Variants in LIPK observed in about 807,000 individuals in gnomAD.
LIPK encodes the protein lipase member K.
Under a neutral mutation model 48.6 loss-of-function variants are expected in LIPK, and 32 were observed. The observed-to-expected ratio is 0.66, with a 90% CI of 0.50 to 0.88. LIPK has a LOEUF of 0.88. Ranked by LOEUF, LIPK falls within the 40% of genes least tolerant of loss-of-function variation. The pLI is 0.00. For synonymous variants in LIPK, 164 were observed against 157.4 expected (o/e 1.04, Z -0.32); for missense variants, 507 against 478.5 (o/e 1.06, Z -0.56).
chr10:88,747,128 T>C (rs1839826758), intron 9 of LIPK, among the ~76,000 whole-genome samples: 3 of 152,048 alleles, frequency 2.0e-5, no homozygotes, highest in Non-Finnish European at 2.9e-5. Flanking sequence ...ACTAAAACAC[T>C]ACCAACCAGA....
intron 6 of LIPK, among the ~76,000 whole-genome samples, chr10:88,735,167 T>A (rs1353281357): frequency 6.6e-6 from 1 of 152,214 alleles, no homozygotes; most frequent in African/African-American, 2.4e-5. Context: ...TTAACCATGC[T>A]AAGCCTCAAT....
chr10:88,738,635 G>A (rs1842621449), intron 7 of LIPK, among the ~76,000 whole-genome samples: 1 of 152,178 alleles, frequency 6.6e-6, no homozygotes, highest in Non-Finnish European at 1.5e-5. Context: ...TATCATGCAG[G>A]CAGAGCTGAG....
intron 9 of LIPK, among the ~76,000 whole-genome samples, chr10:88,745,815 C>T (rs1419253341): frequency 2.6e-5 from 4 of 152,164 alleles, no homozygotes; most frequent in Non-Finnish European, 4.4e-5. Flanking sequence ...AAATGCCTCA[C>T]TTAAAATGCA....
intron 1 of LIPK, among the ~76,000 whole-genome samples, chr10:88,712,012 C>T (rs1350272472): frequency 5.9e-5 from 9 of 152,000 alleles, no homozygotes; most frequent in Admixed American, 5.9e-4. Flanking sequence ...TCCAATTGTT[C>T]CTGCAGGAAT....
intron 3 of LIPK, among the ~76,000 whole-genome samples, chr10:88,730,120 G>A (rs1842434310): frequency 6.6e-6 from 1 of 151,972 alleles, no homozygotes; most frequent in Admixed American, 6.6e-5. Context: ...TTAGCATAGT[G>A]CTTGACATTC....
At chr10:88,750,882 C>G (rs1038309259) in intron 9 of LIPK, among the ~76,000 whole-genome samples, 1 of 152,102 alleles carries the variant, frequency 6.6e-6, no homozygotes, top group African/African-American at 2.4e-5. Context: ...CTCCACTACA[C>G]TTATTCCTTC....
In LIPK at chr10:88,726,836, T is replaced by A. The variant is rs763631655; in HGVS notation, c.147T>A (p.Tyr49Ter). 6.2e-7 allele frequency: 1 copy of A among 1,607,420 alleles called. No homozygotes were observed. Residue 49 changes from tyrosine (Y) to a stop codon, truncating the protein, a stop_gained, in exon 3 of 10, where the codon TAT becomes TAA. Transcript: ENST00000404190. LOFTEE classifies it high-confidence loss of function. The stretch of plus-strand genomic sequence containing the variant: ...ACTGGGGTTATCCTTATGAAGAGTA[T>A]GATGTTACAACAAAAGATGGTTATA... ...ISYWGYPYEE[Y>*]DVTTKDGYIL... is the part of the protein sequence containing the mutation.
intron 9 of LIPK, among the ~76,000 whole-genome samples, chr10:88,751,153 G>A (rs1229879370): frequency 6.6e-6 from 1 of 152,056 alleles, no homozygotes; most frequent in South Asian, 2.1e-4. Context: ...TACTATTTTC[G>A]ATCTGGTGTG....
chr10:88,740,483 C>A (rs985583242), intron 8 of LIPK, among the ~76,000 whole-genome samples: 1 of 152,156 alleles, frequency 6.6e-6, no homozygotes, highest in African/African-American at 2.4e-5. Flanking sequence ...AGATTGAATG[C>A]TAGGGAAGAA....
intron 1 of LIPK, among the ~76,000 whole-genome samples, chr10:88,712,279 T>C (rs1047716292): frequency 2.0e-5 from 3 of 152,200 alleles, no homozygotes; most frequent in Non-Finnish European, 2.9e-5. Context: ...TGAAATCATA[T>C]TTTACCACTT....
At chr10:88,739,170 C>A (rs202118125) in intron 7 of LIPK, among the ~76,000 whole-genome samples, 14 of 151,834 alleles carry the variant, frequency 9.2e-5, no homozygotes, top group African/African-American at 3.4e-4. Flanking sequence ...CTAAATATAC[C>A]GACTGAATTA....
intron 1 of LIPK, among the ~76,000 whole-genome samples, chr10:88,717,103 C>T (rs888229183): frequency 2.6e-5 from 4 of 152,084 alleles, no homozygotes; most frequent in African/African-American, 9.7e-5. Context: ...AGGAGAGATC[C>T]CACATGTTTG....
At position 88,743,340 on chromosome 10, in the gene LIPK, T is replaced by A; in HGVS notation, c.960+19T>A. The A allele has an allele frequency of 6.5e-7, 1 of 1,547,894 alleles. No individual in the cohort carries two copies. Among genetic ancestry groups the A allele is most frequent in the Non-Finnish European group, 8.8e-7 (1 of 1,134,680 alleles). On this transcript the variant is annotated intron_variant, in intron 9 of 9. Coordinates refer to ENST00000404190, the MANE Select transcript of LIPK (RefSeq NM_001080518.2). ...CCATCAGGTACAAAAATAATCCTCA[T>A]AATCAGTTCCATGCTGCAAATGAAC...
chr10:88,742,216 G>T (rs949067075), intron 8 of LIPK, among the ~76,000 whole-genome samples: 1 of 152,196 alleles, frequency 6.6e-6, no homozygotes, highest in South Asian at 2.1e-4. Flanking sequence ...GTTACAATTA[G>T]AGATGAGATT....
At position 88,732,200 on chromosome 10, in the gene LIPK, G is replaced by C; in HGVS notation, c.445G>C (p.Asp149His). ...AFSLDEMAKY[D>H]LPATINFIIE... The stretch of plus-strand genomic sequence containing the variant: ...TAGTTTGGATGAGATGGCTAAATAT[G>C]ACCTTCCAGCCACAATCAATTTTAT... The change falls in exon 5 of 10, where the codon GAC becomes CAC. Residue 149 changes from aspartate to histidine, a missense_variant. Coordinates refer to ENST00000404190, the MANE Select transcript of LIPK (RefSeq NM_001080518.2). 6.2e-7 allele frequency: 1 copy of C among 1,600,804 alleles called. No individual in the cohort carries two copies. Among genetic ancestry groups the C allele is most frequent in the East Asian group, 2.3e-5 (1 of 44,324 alleles).
intron 1 of LIPK, among the ~76,000 whole-genome samples, chr10:88,723,271 A>G (rs1315612697): frequency 1.3e-5 from 2 of 152,190 alleles, no homozygotes; most frequent in African/African-American, 4.8e-5. Context: ...ATAGGTGCTC[A>G]ATACATAGTT....
At position 88,731,031 on chromosome 10, in the gene LIPK, G is replaced by C; in HGVS notation, c.272G>C (p.Ser91Thr). 6.3e-7 allele frequency: 1 copy of C among 1,597,274 alleles called. No individual in the cohort carries two copies. The highest frequency in any genetic ancestry group is 1.1e-5 in the South Asian group (1 of 87,870). ...YLQHGLIASA[S>T]NWICNLPNNS... ...CAGCATGGCTTAATTGCATCTGCCA[G>C]TAACTGGATTTGCAACCTGCCCAAC... is the stretch of plus-strand genomic sequence containing the variant. The change falls in exon 4 of 10, where the codon AGT becomes ACT. Residue 91 changes from serine (S) to threonine (T), a missense_variant. By Grantham distance (58) the Ser-to-Thr change is moderately conservative. Transcript: ENST00000404190.
In LIPK at chr10:88,748,403, G is replaced by A. The variant is rs72824214; in HGVS notation, c.961-4114G>A. On this transcript the variant is annotated intron_variant, in intron 9 of 9. Transcript: ENST00000404190. The stretch of plus-strand genomic sequence containing the variant: ...TGTCTGAGGCGGGCAGATCACTTGA[G>A]GTCAGGGGTATGAGACTAGCCTGGC... Among the ~76,000 whole-genome samples, 608 of 152,168 alleles carry A rather than the reference G, an allele frequency of 4.0e-3. 3 individuals carry two copies. The highest frequency in any genetic ancestry group is 7.4e-3 in the Non-Finnish European group (500 of 67,990).
At position 88,743,399 on chromosome 10, in the gene LIPK, C is replaced by T. The variant is rs186537183; in HGVS notation, c.960+78C>T. 1.2e-3 allele frequency: 1,245 copies of T among 1,026,190 alleles called. 4 individuals are homozygous for T. The highest frequency in any genetic ancestry group is 8.0e-4 in the Non-Finnish European group (537 of 674,908). 63.6% of individuals were successfully genotyped at this position (1,026,190 alleles called of 1,614,324 possible). Reference sequence around the variant, plus strand: ...ATAGTGTCTACTCATGAAGCACCTGCCACTTCCATTTAACCACACTGGATA... The same window carrying T: ...ATAGTGTCTACTCATGAAGCACCTGTCACTTCCATTTAACCACACTGGATA... On this transcript the variant is annotated intron_variant, in intron 9 of 9. Transcript: ENST00000404190.
Sources: allele counts gnomAD v4.1 joint callset (sites outside exome capture counted in the v4.1 genomes callset), GRCh38; gene constraint gnomAD v4.1.1; transcripts MANE v1.5; gene names NCBI Gene and HGNC (gene_info 2026-07-23, HGNC 2026-07-21).